Variants in DENND4A observed in about 807,000 individuals in gnomAD.
DENND4A encodes the protein C-myc promoter-binding protein.
Under a neutral mutation model 199.3 loss-of-function variants are expected in DENND4A, and 70 were observed. The ratio of observed to expected loss-of-function variants is 0.35; its 90% CI spans 0.29 to 0.43. DENND4A has a LOEUF of 0.43. Among genes scored for constraint, DENND4A ranks in the 20% least tolerant of loss-of-function variants. DENND4A has a pLI of 1.00. For synonymous variants in DENND4A, 686 were observed against 766.9 expected (o/e 0.89, Z 1.74); for missense variants, 1,723 against 2,255.8 (o/e 0.76, Z 4.78).
intron 9 of DENND4A, chr15:65,731,366 T>A (rs1203266297): frequency 2.1e-6 from 1 of 476,626 alleles, no homozygotes; most frequent in African/African-American, 2.0e-5. Flanking sequence ...AAATAACTGT[T>A]CTCATCATCT....
chr15:65,723,773 T>A (rs543184010), intron 11 of DENND4A, among the ~76,000 whole-genome samples: 1 of 152,240 alleles, frequency 6.6e-6, no homozygotes, highest in South Asian at 2.1e-4. Flanking sequence ...TTAATAAACG[T>A]TATGTGAACG....
intron 24 of DENND4A, among the ~76,000 whole-genome samples, chr15:65,676,194 C>T (rs1481821013): frequency 8.6e-5 from 11 of 127,304 alleles, no homozygotes; most frequent in Non-Finnish European, 1.3e-4. Flanking sequence ...AAAAAAGCAA[C>T]GATGGAAGGA....
rs1171075195 is a variant in DENND4A, at chr15:65,709,695, C to CA, written c.1954-3472dup. ...GGCAACAAGAGCAAAAACTCCATCTCAAAAAAAAAAAAAAAAAAAAAAAAA... is the reference window on the plus strand; with the variant it reads ...GGCAACAAGAGCAAAAACTCCATCTCAAAAAAAAAAAAAAAAAAAAAAAAAA... On this transcript the variant is annotated intron_variant, in intron 14 of 32. Coordinates refer to ENST00000443035, the MANE Select transcript of DENND4A (RefSeq NM_001320835.1). Among the ~76,000 whole-genome samples the CA allele has an allele frequency of 8.5e-3, 306 of 36,158 alleles. 9 individuals carry two copies. The highest frequency in any genetic ancestry group is 0.016 in the African/African-American group (154 of 9,680). The allele number at this position is 36,158 out of a possible 152,430, so 23.7% of individuals were successfully genotyped here. A position where few individuals can be genotyped will look rare whatever the true frequency, so the allele number is the denominator to read the frequency against.
At chr15:65,789,101 T>C (rs772293476) in intron 1 of DENND4A, among the ~76,000 whole-genome samples, 5 of 152,206 alleles carry the variant, frequency 3.3e-5, no homozygotes, top group South Asian at 4.1e-4. Flanking sequence ...ATCCACCATA[T>C]AGATTATCAT....
intron 24 of DENND4A, 69 bp from the exon 25 acceptor site, chr15:65,671,955 A>G: frequency 1.3e-5 from 12 of 935,398 alleles, no homozygotes; most frequent in Middle Eastern, 2.1e-4. Context: ...AGAATCTTTT[A>G]CTTCCATAAG....
At chr15:65,698,318 T>G (rs1209863489) in intron 20 of DENND4A, among the ~76,000 whole-genome samples, 1 of 142,800 alleles carries the variant, frequency 7.0e-6, no homozygotes, top group Non-Finnish European at 1.5e-5. Flanking sequence ...TAATACACTG[T>G]GTTGCTAAAG....
chr15:65,706,371 C>A, intron 14 of DENND4A, 147 bp from the exon 15 acceptor site: 4 of 692,244 alleles, frequency 5.8e-6, no homozygotes, highest in South Asian at 4.0e-5. Context: ...CTATGAGTGC[C>A]AAAATAATTA....
chr15:65,691,237 C>T lies in DENND4A; in HGVS notation c.3357G>A (p.Thr1119=), dbSNP rs758998379. 2.2e-5 allele frequency: 35 copies of T among 1,613,148 alleles called. No individual in the cohort carries two copies. Among genetic ancestry groups the T allele is most frequent in the African/African-American group, 2.7e-5 (2 of 74,888 alleles). The change falls in exon 23 of 33, where the codon ACG becomes ACA. Residue 1119 remains threonine (T), a synonymous_variant. Coordinates refer to ENST00000443035, the MANE Select transcript of DENND4A (RefSeq NM_001320835.1). ...TCCCAATATCAAGAGTATTTGGTCTCGTGCTTTTTGAGATAACATTTGAAA... is the reference window on the plus strand; with the variant it reads ...TCCCAATATCAAGAGTATTTGGTCTTGTGCTTTTTGAGATAACATTTGAAA... ...KILSNVISKS[T]RPNTLDIGKP...
chr15:65,704,708 G>A (rs12901660), intron 15 of DENND4A, among the ~76,000 whole-genome samples: 30,951 of 151,834 alleles, frequency 0.2, 4,224 homozygotes, highest in East Asian at 0.74. Flanking sequence ...GTCCTGCCTC[G>A]GCCTCCCAAG....
intron 23 of DENND4A, among the ~76,000 whole-genome samples, chr15:65,682,847 T>C (rs1021312832): frequency 6.6e-6 from 1 of 152,120 alleles, no homozygotes; most frequent in Non-Finnish European, 1.5e-5. Context: ...TAAGAAGGCC[T>C]GAGGAGAGGG....
Position 65,732,748 on chromosome 15 carries a change from T to C in DENND4A, c.1107+4A>G, listed in dbSNP as rs758247053. ...TCCCCCAATCAAAAACAAAAAAACC[T>C]TACCTGAACTAAAATCCGTGGTCTC... On this transcript the variant is annotated splice_donor_region_variant and intron_variant, in intron 8 of 32. Coordinates refer to ENST00000443035, the MANE Select transcript of DENND4A (RefSeq NM_001320835.1). The C allele has an allele frequency of 1.6e-5, 25 of 1,581,316 alleles. No homozygotes were observed. Among genetic ancestry groups the C allele is most frequent in the Non-Finnish European group, 1.9e-5 (22 of 1,153,712 alleles).
chr15:65,690,645 C>T lies in DENND4A; in HGVS notation c.3949G>A (p.Glu1317Lys). 1.2e-6 allele frequency: 2 copies of T among 1,613,692 alleles called. No homozygotes were observed. The highest frequency in any genetic ancestry group is 2.2e-5 in the South Asian group (2 of 91,066). The change falls in exon 23 of 33, where the codon GAG becomes AAG. Residue 1317 changes from glutamate (E) to lysine (K), a missense_variant. Glu to Lys is a moderately conservative substitution (Grantham distance 56). Transcript: ENST00000443035. ...GACCAAAGTCTATCCCTTGGTTTCT[C>T]CTCACTTTTTGTGTAACTTTTAGAT... ...TKSKSYTKSE[E>K]KPRDRLWSSP...
intron 9 of DENND4A, among the ~76,000 whole-genome samples, chr15:65,730,832 T>C (rs1165511247): frequency 6.6e-6 from 1 of 152,074 alleles, no homozygotes; most frequent in East Asian, 1.9e-4. Flanking sequence ...CAGAACTCTG[T>C]GAATATAATT....
At chr15:65,763,743 G>A (rs910514644) in intron 1 of DENND4A, among the ~76,000 whole-genome samples, 9 of 147,120 alleles carry the variant, frequency 6.1e-5, no homozygotes, top group Admixed American at 2.0e-4. Flanking sequence ...AAGAATGAAA[G>A]CAAAATAATA....
intron 2 of DENND4A, among the ~76,000 whole-genome samples, chr15:65,757,011 TG>T (rs1443269163): frequency 6.6e-6 from 1 of 152,158 alleles, no homozygotes; most frequent in Non-Finnish European, 1.5e-5. Flanking sequence ...CACTCCAGCC[TG>T]GGTAAAAAGA....
At chr15:65,689,623 T>A (rs1228605048) in intron 23 of DENND4A, among the ~76,000 whole-genome samples, 1 of 152,206 alleles carries the variant, frequency 6.6e-6, no homozygotes, top group Non-Finnish European at 1.5e-5. Context: ...CTCTGGCAGC[T>A]CCTGAATCGA....
chr15:65,729,744 A>C, intron 9 of DENND4A, 66 bp from the exon 10 acceptor site: 11 of 1,410,776 alleles, frequency 7.8e-6, no homozygotes, highest in South Asian at 1.4e-5. Context: ...ATCTAAAACA[A>C]TGGGCAAAAG....
At chr15:65,760,318 GAAACCCCGTCTCTACTTAAAATACAAAAA>G (rs2076820092) in intron 2 of DENND4A, among the ~76,000 whole-genome samples, 1 of 151,988 alleles carries the variant, frequency 6.6e-6, no homozygotes, top group East Asian at 1.9e-4. Context: ...CTAACACGGT[GAAACCCCGTCTCTACTTAAAATACAAAAA>G]ATTAGCGGGG....
intron 1 of DENND4A, among the ~76,000 whole-genome samples, chr15:65,786,399 T>C (rs1266098658): frequency 1.3e-5 from 2 of 151,996 alleles, no homozygotes; most frequent in African/African-American, 4.8e-5. Flanking sequence ...TTGTTTTTTT[T>C]CTAGTGCCAG....
Sources: allele counts gnomAD v4.1 joint callset (sites outside exome capture counted in the v4.1 genomes callset), GRCh38; gene constraint gnomAD v4.1.1; transcripts MANE v1.5; gene names NCBI Gene and HGNC (gene_info 2026-07-23, HGNC 2026-07-21).